The following DNAL4 variants were observed in gnomAD, a reference collection of about 807,000 sequenced individuals.
DNAL4 encodes dynein axonemal light chain 4.
A neutral mutation model predicts 12.6 loss-of-function variants in DNAL4; 10 were observed. The ratio of observed to expected loss-of-function variants is 0.79; its 90% CI spans 0.49 to 1.34. The LOEUF is 1.34. Among genes scored for constraint, DNAL4 ranks in the 40% most tolerant of loss-of-function variants. The pLI, the probability that DNAL4 is intolerant of heterozygous loss-of-function variation, is 0.00. For synonymous variants in DNAL4, 46 were observed against 53.1 expected (o/e 0.87, Z 0.58); for missense variants, 128 against 138.1 (o/e 0.93, Z 0.37).
intron 1 of DNAL4, among the ~76,000 whole-genome samples, chr22:38,785,048 A>G (rs532407560): frequency 6.7e-6 from 1 of 148,712 alleles, no homozygotes; most frequent in East Asian, 2.0e-4. Context: ...TATCTCATCA[A>G]TTCTGGGCAT....
At chr22:38,790,142 C>T (rs150845870) in intron 1 of DNAL4, among the ~76,000 whole-genome samples, 154 of 152,232 alleles carry the variant, frequency 1.0e-3, no homozygotes, top group Admixed American at 1.5e-3. Context: ...GTGTGAGCCA[C>T]CATGCCTGGC....
Position 38,791,870 on chromosome 22 carries a change from G to GT in DNAL4, c.-140+2197dup, listed in dbSNP as rs80109051. 2.1e-3 allele frequency among the ~76,000 whole-genome samples: 299 copies of GT among 139,928 alleles called. 3 individuals carry two copies. Among genetic ancestry groups the GT allele is most frequent in the Middle Eastern group, 3.6e-3 (1 of 278 alleles). 91.8% of individuals were successfully genotyped at this position (139,928 alleles called of 152,430 possible). On this transcript the variant is annotated intron_variant, in intron 1 of 3. Transcript: ENST00000216068. ...CATGCCTGGCTAATTTTTGTGTGTT[G>GT]TTTTTTTTTTTTTGAGTACAGATGG...
In DNAL4 at chr22:38,779,611, G is replaced by C; in HGVS notation, c.156C>G (p.Ser52Arg). 6.3e-7 allele frequency: 1 copy of C among 1,595,934 alleles called. No individual in the cohort carries two copies. The highest frequency in any genetic ancestry group is 8.5e-7 in the Non-Finnish European group (1 of 1,170,158). ...ACEKFSNNNE[S>R]AAKMIKETMD... is the part of the protein sequence containing the mutation. ...TTGTCTCTTTGATCATCTTGGCGGC[G>C]CTCTGGAAGGAAGAGGGCACTTATC... is the stretch of plus-strand genomic sequence containing the variant. Residue 52 changes from serine to arginine, a missense_variant and splice_region_variant, in exon 4 of 4, where the codon AGC becomes AGG. Physicochemically the swap from Ser to Arg is moderately radical, Grantham distance 110 (BLOSUM62 -1). Transcript: ENST00000216068. This position sits in a 1 kb window ranked among gnomAD's most constrained non-coding sequence, Gnocchi z 4.3.
At chr22:38,781,200 C>T (rs1355447991) in intron 2 of DNAL4, among the ~76,000 whole-genome samples, 191 bp from the exon 3 acceptor site, 5 of 152,232 alleles carry the variant, frequency 3.3e-5, no homozygotes, top group South Asian at 4.1e-4. Flanking sequence ...AGCTGAGCCT[C>T]GTGGGCTCTC....
rs141340064 is a variant in DNAL4, at chr22:38,782,671, G to C, written c.61C>G (p.Leu21Val). The C allele has an allele frequency of 8.7e-6, 14 of 1,613,306 alleles. No individual in the cohort carries two copies. The African/African-American group carries it at 1.7e-4, about 20-fold the overall frequency. Reference sequence around the variant, plus strand: ...CCTCCCCTGGGGCTTACCCTGACCAGAGGGAAGGTCTGCAGTCGCTTATAA... The same window carrying C: ...CCTCCCCTGGGGCTTACCCTGACCACAGGGAAGGTCTGCAGTCGCTTATAA... The part of the protein sequence containing the change: ...ADYKRLQTFP[L>V]VRHSDMPEEM... The change falls in exon 2 of 4, where the codon CTG (leucine) becomes GTG (valine). Residue 21 changes from leucine (L) to valine (V), a missense_variant. Transcript: ENST00000216068. This position sits in a 1 kb window ranked among gnomAD's most constrained non-coding sequence, Gnocchi z 5.1.
intron 2 of DNAL4, among the ~76,000 whole-genome samples, chr22:38,781,334 C>T (rs570114512): frequency 5.3e-5 from 8 of 152,360 alleles, no homozygotes; most frequent in African/African-American, 1.7e-4. Context: ...GGAATCTCAC[C>T]CCGGAGGCCC....
At chr22:38,793,678 C>T (rs889796770) in intron 1 of DNAL4, among the ~76,000 whole-genome samples, 1 of 152,168 alleles carries the variant, frequency 6.6e-6, no homozygotes, top group African/African-American at 2.4e-5. Flanking sequence ...AGTAAGTCGC[C>T]AACTCTCCAA....
intron 2 of DNAL4, among the ~76,000 whole-genome samples, chr22:38,781,306 A>C (rs1374831501): frequency 6.6e-6 from 1 of 152,242 alleles, no homozygotes; most frequent in Non-Finnish European, 1.5e-5. Flanking sequence ...AATGCTGGCT[A>C]TGGAAGTGTG....
At chr22:38,790,166 C>T (rs1045470094) in intron 1 of DNAL4, among the ~76,000 whole-genome samples, 2 of 152,112 alleles carry the variant, frequency 1.3e-5, no homozygotes, top group Non-Finnish European at 2.9e-5. Flanking sequence ...ATGTGTGGAT[C>T]TTTTTCATAG....
chr22:38,787,616 G>A (rs535279448), intron 1 of DNAL4, among the ~76,000 whole-genome samples: 2 of 152,282 alleles, frequency 1.3e-5, no homozygotes, highest in East Asian at 1.9e-4. Flanking sequence ...AGGAAACTGC[G>A]ATATCCTTCT....
intron 1 of DNAL4, among the ~76,000 whole-genome samples, chr22:38,791,541 G>A (rs948654128): frequency 3.3e-5 from 5 of 150,500 alleles, no homozygotes; most frequent in Non-Finnish European, 7.4e-5. Flanking sequence ...TTTATATTTT[G>A]TATTTTTAGT....
chr22:38,793,194 C>T (rs1423994198), intron 1 of DNAL4, among the ~76,000 whole-genome samples: 1 of 152,160 alleles, frequency 6.6e-6, no homozygotes, highest in Non-Finnish European at 1.5e-5. Context: ...CTAAGTAACC[C>T]TAACCATGGA....
chr22:38,783,221 C>G lies in DNAL4; in HGVS notation c.-139-351G>C, dbSNP rs553049046. Reference sequence around the variant, plus strand: ...CCTCCCACTACACACATGGGCCTTCCCTCCCACTACACACACGGGCCTTCC... The same window carrying G: ...CCTCCCACTACACACATGGGCCTTCGCTCCCACTACACACACGGGCCTTCC... On this transcript the variant is annotated intron_variant, in intron 1 of 3. Transcript: ENST00000216068. Among the ~76,000 whole-genome samples the G allele has an allele frequency of 1.6e-4, 24 of 151,872 alleles. No homozygotes were observed. In the South Asian group the frequency reaches 5.0e-3, roughly 32 times the overall value.
In DNAL4 at chr22:38,782,786, C is replaced by A; in HGVS notation, c.-55G>T. 6.4e-7 allele frequency: 1 copy of A among 1,551,822 alleles called. No homozygotes were observed. The highest frequency in any genetic ancestry group is 1.2e-5 in the South Asian group (1 of 84,032). On this transcript the variant is annotated 5_prime_UTR_variant, in exon 2 of 4. Transcript: ENST00000216068. This position sits in a 1 kb window ranked among gnomAD's most constrained non-coding sequence, Gnocchi z 5.1. ...GTGGGGCTTTCAGGAGGTGCTGGGA[C>A]TGGCAGTTAAGACACACCCAGGAGA...
At chr22:38,792,706 C>T (rs541385133) in intron 1 of DNAL4, among the ~76,000 whole-genome samples, 141 of 152,316 alleles carry the variant, frequency 9.3e-4, no homozygotes, top group Admixed American at 3.0e-3. Flanking sequence ...CATCTTGTCC[C>T]GCTGGACGGT....
At chr22:38,789,343 G>A (rs1159337003) in intron 1 of DNAL4, among the ~76,000 whole-genome samples, 2 of 152,114 alleles carry the variant, frequency 1.3e-5, no homozygotes, top group East Asian at 1.9e-4. Context: ...ACAGCTTACC[G>A]CAGCCTCAAC....
Position 38,779,446 on chromosome 22 carries a change from G to A in DNAL4, c.*3C>T, listed in dbSNP as rs2093030801. 21 of 1,565,540 alleles carry A rather than the reference G, an allele frequency of 1.3e-5. No individual in the cohort carries two copies. The highest frequency in any genetic ancestry group is 1.7e-5 in the Non-Finnish European group (20 of 1,155,300). ...TGCAGGGGACGGGGCAGGGGACAGA[G>A]TGTCAGGAGCACTTCCAGACGCACA... is the stretch of plus-strand genomic sequence containing the variant. On this transcript the variant is annotated 3_prime_UTR_variant, in exon 4 of 4. Transcript: ENST00000216068. This position sits in a 1 kb window ranked among gnomAD's most constrained non-coding sequence, Gnocchi z 4.3.
intron 3 of DNAL4, chr22:38,780,601 C>T: frequency 5.8e-6 from 2 of 346,758 alleles, no homozygotes; most frequent in Admixed American, 4.4e-5. Flanking sequence ...TGAATGGATG[C>T]CTGGGCAGGC....
chr22:38,779,581 G>T lies in DNAL4; in HGVS notation c.186C>A (p.Asp62Glu), dbSNP rs1376316633. Reference protein sequence around the residue: ...SAAKMIKETMDKKFGSSWHVV... With the variant: ...SAAKMIKETMEKKFGSSWHVV... Reference sequence around the variant, plus strand: ...CGTGCCAGGAGGAGCCGAACTTCTTGTCCATTGTCTCTTTGATCATCTTGG... The same window carrying T: ...CGTGCCAGGAGGAGCCGAACTTCTTTTCCATTGTCTCTTTGATCATCTTGG... Residue 62 changes from aspartate (D) to glutamate (E), a missense_variant, in exon 4 of 4, where the codon GAC becomes GAA. Asp to Glu is a conservative substitution (Grantham distance 45). Coordinates refer to ENST00000216068, the MANE Select transcript of DNAL4 (RefSeq NM_005740.3). The surrounding 1 kb of genome is among the most constrained non-coding windows in gnomAD (Gnocchi z 4.3). 1.3e-6 allele frequency: 2 copies of T among 1,598,682 alleles called. No homozygotes were observed. Among genetic ancestry groups the T allele is most frequent in the Admixed American group, 3.4e-5 (2 of 58,124 alleles).
Sources: gnomAD v4.1 joint callset for allele counts (sites outside exome capture counted in the v4.1 genomes callset) on GRCh38, gnomAD v4.1.1 for gene constraint, Gnocchi (gnomAD v3.1) non-coding constraint, MANE v1.5 for transcripts, NCBI Gene and HGNC (gene_info 2026-07-23, HGNC 2026-07-21) for gene names.